ARGFX: variants seen among roughly 807,000 people sequenced by gnomAD.
ARGFX encodes arginine-fifty homeobox.
ARGFX carries 10 observed loss-of-function variants against 8.0 expected under a neutral mutation model. That is an observed-to-expected ratio of 1.25 (90% CI 0.77 to 2.12). ARGFX has a LOEUF of 2.12. Among genes scored for constraint, ARGFX ranks in the 30% most tolerant of loss-of-function variants. The pLI, the probability that ARGFX is intolerant of heterozygous loss-of-function variation, is 0.00. For missense variants in ARGFX, 282 were observed against 324.3 expected (o/e 0.87, Z 1.00); for synonymous variants, 116 against 117.8 (o/e 0.98, Z 0.10).
Position 121,568,362 on chromosome 3 carries a change from A to G in ARGFX, c.-13+349A>G, listed in dbSNP as rs555858117. Among the ~76,000 whole-genome samples the G allele has an allele frequency of 3.6e-4, 55 of 152,354 alleles. No individual in the cohort carries two copies. In the South Asian group the frequency reaches 0.011, roughly 32 times the overall value. On this transcript the variant is annotated intron_variant, in intron 1 of 4. Transcript: ENST00000334384. The stretch of plus-strand genomic sequence containing the variant: ...TTTTGTGTACTTCGTTCATTGCAGA[A>G]TCCACAGACCTATGTAAGTGCCCAT...
chr3:121,570,736 A>G lies in ARGFX; in HGVS notation c.23A>G (p.Glu8Gly), dbSNP rs2048703014. Residue 8 changes from glutamate to glycine, a missense_variant, in exon 2 of 5, where the codon GAG becomes GGG. Physicochemically the swap from Glu to Gly is moderately conservative, Grantham distance 98. Coordinates refer to ENST00000334384, the MANE Select transcript of ARGFX (RefSeq NM_001012659.2). MRNRMAP[E>G]NPQPDPFINR... ...ACCATGAGGAACAGAATGGCCCCAG[A>G]GAATCCCCAGCCAGACCCTTTCATC... 1 of 1,610,722 alleles carries G rather than the reference A, an allele frequency of 6.2e-7. No homozygotes were observed. Among genetic ancestry groups the G allele is most frequent in the African/African-American group, 1.3e-5 (1 of 74,868 alleles).
intron 3 of ARGFX, among the ~76,000 whole-genome samples, chr3:121,577,240 T>TAC (rs2048744900): frequency 1.5e-5 from 1 of 65,852 alleles, no homozygotes; most frequent in African/African-American, 5.9e-5. Flanking sequence ...TATATATATA[T>TAC]ATATATATAT....
At chr3:121,572,231 T>C (rs1214470886) in intron 2 of ARGFX, among the ~76,000 whole-genome samples, 4 of 100,178 alleles carry the variant, frequency 4.0e-5, no homozygotes, top group Non-Finnish European at 8.3e-5. Flanking sequence ...TTTATTATTA[T>C]TGTTGTTTTT....
intron 3 of ARGFX, among the ~76,000 whole-genome samples, chr3:121,584,258 GGAAGGAA>G (rs1560122441): frequency 6.2e-4 from 87 of 139,988 alleles, no homozygotes; most frequent in African/African-American, 2.3e-3. Flanking sequence ...AAGGAAGGAA[GGAAGGAA>G]GGAAAGAAAA....
Position 121,586,049 on chromosome 3 carries a change from T to C in ARGFX, c.397T>C (p.Leu133=), listed in dbSNP as rs1286713069. 10 of 1,585,926 alleles carry C rather than the reference T, an allele frequency of 6.3e-6. No homozygotes were observed. The Middle Eastern group carries it at 8.5e-4, about 134-fold the overall frequency. The change falls in exon 5 of 5, where the codon TTG becomes CTG. Residue 133 remains leucine, a synonymous_variant. Coordinates refer to ENST00000334384, the MANE Select transcript of ARGFX (RefSeq NM_001012659.2). ...KVWFRNRRFK[L]KKQQQQQSAK... is the part of the protein sequence containing the mutation. Reference sequence around the variant, plus strand: ...TTGGTTCAGGAACCGGCGATTCAAATTGAAGAAGCAGCAGCAGCAGCAATC... The same window carrying C: ...TTGGTTCAGGAACCGGCGATTCAAACTGAAGAAGCAGCAGCAGCAGCAATC...
chr3:121,582,732 G>GTC (rs1423587658), intron 3 of ARGFX, among the ~76,000 whole-genome samples: 1 of 152,002 alleles, frequency 6.6e-6, no homozygotes, highest in African/African-American at 2.4e-5. Context: ...TAGAGCCAGG[G>GTC]TCTCTCTCTG....
At chr3:121,579,953 T>TG (rs2048768179) in intron 3 of ARGFX, among the ~76,000 whole-genome samples, 1 of 74,772 alleles carries the variant, frequency 1.3e-5, no homozygotes, top group African/African-American at 4.5e-5. Flanking sequence ...TTCTTTTTTT[T>TG]TTTTTTTTTT....
At chr3:121,578,299 G>T (rs967307539) in intron 3 of ARGFX, among the ~76,000 whole-genome samples, 1 of 151,800 alleles carries the variant, frequency 6.6e-6, no homozygotes, top group African/African-American at 2.4e-5. Flanking sequence ...GGCTAATTTT[G>T]TATTTTTAGT....
rs765067362 is a variant in ARGFX at position 121,586,267 on chromosome 3, G to A, written c.615G>A (p.Met205Ile). 1 of 1,614,148 alleles carries A rather than the reference G, an allele frequency of 6.2e-7. No individual in the cohort carries two copies. The highest frequency in any genetic ancestry group is 8.5e-7 in the Non-Finnish European group (1 of 1,180,040). Residue 205 changes from methionine (M) to isoleucine (I), a missense_variant, in exon 5 of 5, where the codon ATG (methionine) becomes ATA (isoleucine). Physicochemically the swap from Met to Ile is conservative, Grantham distance 10. Coordinates refer to ENST00000334384, the MANE Select transcript of ARGFX (RefSeq NM_001012659.2). The stretch of plus-strand genomic sequence containing the variant: ...AGAGTTCTACCAGTGACTTCCAAAT[G>A]CAAGATACTCAGTGGGAGAGGCTGG... Reference protein sequence around the residue: ...FTESSTSDFQMQDTQWERLVA... With the variant: ...FTESSTSDFQIQDTQWERLVA...
chr3:121,583,506 A>G (rs1489542542), intron 3 of ARGFX, among the ~76,000 whole-genome samples: 1 of 151,276 alleles, frequency 6.6e-6, no homozygotes, highest in African/African-American at 2.4e-5. Flanking sequence ...GTGCAGTGAC[A>G]CAATTATGGT....
At position 121,580,436 on chromosome 3, in the gene ARGFX, CAA is replaced by C. The variant is rs376702214; in HGVS notation, c.220+3539_220+3540del. ...ATAAATTAAGATAATGGAGGTAAAACAAAAGTACTCAACCATTTCTATCAGTT... is the reference window on the plus strand; with the variant it reads ...ATAAATTAAGATAATGGAGGTAAAACAAGTACTCAACCATTTCTATCAGTT... On this transcript the variant is annotated intron_variant, in intron 3 of 4. Transcript: ENST00000334384. 6.1e-3 allele frequency among the ~76,000 whole-genome samples: 922 copies of C among 151,746 alleles called. 9 individuals are homozygous for C. The highest frequency in any genetic ancestry group is 0.021 in the African/African-American group (880 of 41,412).
At position 121,580,611 on chromosome 3, in the gene ARGFX, T is replaced by A. The variant is rs1174647130; in HGVS notation, c.220+3711T>A. Among the ~76,000 whole-genome samples the A allele has an allele frequency of 3.0e-3, 424 of 143,042 alleles. 5 individuals are homozygous for A. Among genetic ancestry groups the A allele is most frequent in the African/African-American group, 0.01 (379 of 37,380 alleles). The allele number at this position is 143,042 out of a possible 152,430, so 93.8% of individuals were successfully genotyped here. A position where few individuals can be genotyped will look rare whatever the true frequency, so the allele number is the denominator to read the frequency against. On this transcript the variant is annotated intron_variant, in intron 3 of 4. Coordinates refer to ENST00000334384, the MANE Select transcript of ARGFX (RefSeq NM_001012659.2). ...GTGTGTGTGTATATATATATATTTT[T>A]TTTTTTTTTTTGAGATGAAGTCTCA...
chr3:121,590,406 T>A lies in ARGFX; in HGVS notation c.*3806T>A, dbSNP rs1364561533. ...GTTAGTTATCTCAGAAGTGGGTTCC[T>A]GATAAAAGGATGAGTTCGGCCTTCT... On this transcript the variant is annotated 3_prime_UTR_variant, in exon 5 of 5. Coordinates refer to ENST00000334384, the MANE Select transcript of ARGFX (RefSeq NM_001012659.2). 2.0e-5 allele frequency among the ~76,000 whole-genome samples: 3 copies of A among 152,226 alleles called. 1 individual carries two copies. Among genetic ancestry groups the A allele is most frequent in the African/African-American group, 7.2e-5 (3 of 41,466 alleles).
intron 3 of ARGFX, among the ~76,000 whole-genome samples, chr3:121,579,945 C>CTTTTTTTTTTTTTTT (rs1174620508): frequency 6.2e-4 from 57 of 91,562 alleles, no homozygotes; most frequent in African/African-American, 1.4e-3. Flanking sequence ...CTTTTCTTTT[C>CTTTTTTTTTTTTTTT]TTTTTTTTTT....
In ARGFX at chr3:121,589,515, T is replaced by A. The variant is rs1309802319; in HGVS notation, c.*2915T>A. Among the ~76,000 whole-genome samples the A allele has an allele frequency of 1.3e-5, 2 of 152,086 alleles. No individual in the cohort carries two copies. The highest frequency in any genetic ancestry group is 2.9e-5 in the Non-Finnish European group (2 of 68,000). ...CTTTAGCCTCCCAAGTAGCTGGGAC[T>A]ACAGGTGTACGCCACCACACCCAGC... On this transcript the variant is annotated 3_prime_UTR_variant, in exon 5 of 5. Coordinates refer to ENST00000334384, the MANE Select transcript of ARGFX (RefSeq NM_001012659.2).
At chr3:121,580,592 G>A (rs1440876339) in intron 3 of ARGFX, among the ~76,000 whole-genome samples, 57 of 101,746 alleles carry the variant, frequency 5.6e-4, no homozygotes, top group Admixed American at 2.2e-3. Context: ...GTGTGTGTGT[G>A]TGTATATATA....
At chr3:121,581,533 A>T (rs72626322) in intron 3 of ARGFX, among the ~76,000 whole-genome samples, 42,340 of 152,046 alleles carry the variant, frequency 0.28, 6,316 homozygotes, top group East Asian at 0.61. Context: ...AAGGTTGACG[A>T]ACCCAAGTTG....
chr3:121,570,073 A>G (rs561125258), intron 1 of ARGFX, among the ~76,000 whole-genome samples: 48 of 152,368 alleles, frequency 3.2e-4, no homozygotes, highest in African/African-American at 1.1e-3. Context: ...GCTTTTAAAC[A>G]TTTAAGACCT....
At chr3:121,584,376 G>T (rs1025909050) in intron 3 of ARGFX, among the ~76,000 whole-genome samples, 7 of 152,134 alleles carry the variant, frequency 4.6e-5, no homozygotes, top group Non-Finnish European at 8.8e-5. Flanking sequence ...CCATTTAGAA[G>T]AGTGGGTTAT....
Sources: gnomAD v4.1 joint callset for allele counts (sites outside exome capture counted in the v4.1 genomes callset) on GRCh38, gnomAD v4.1.1 for gene constraint, MANE v1.5 for transcripts, NCBI Gene and HGNC (gene_info 2026-07-23, HGNC 2026-07-21) for gene names.